ZACN: variants seen among roughly 807,000 people sequenced by gnomAD.
ZACN encodes zinc activated ion channel, also known as ligand-gated cation channel ZACN.
Under a neutral mutation model 38.9 loss-of-function variants are expected in ZACN, and 52 were observed. The ratio of observed to expected loss-of-function variants is 1.34; its 90% CI spans 1.07 to 1.68. ZACN has a LOEUF of 1.68. Ranked by LOEUF, ZACN falls within the 40% of genes most tolerant of loss-of-function variation. The pLI is 0.00. For synonymous variants in ZACN, 235 were observed against 227.4 expected (o/e 1.03, Z -0.30); for missense variants, 559 against 525.6 (o/e 1.06, Z -0.62).
At chr17:76,080,862 G>A (rs1415083722) in intron 5 of ZACN, 2 of 470,558 alleles carry the variant, frequency 4.3e-6, no homozygotes, top group Non-Finnish European at 8.5e-6. Context: ...ACCTGAAGGT[G>A]CAGCCACCCT....
In ZACN at chr17:76,080,336, C is replaced by T; in HGVS notation, c.456C>T (p.Ala152=). The T allele has an allele frequency of 6.2e-7, 1 of 1,613,894 alleles. No individual in the cohort carries two copies. The highest frequency in any genetic ancestry group is 8.5e-7 in the Non-Finnish European group (1 of 1,179,870). ...ACGTGAAGCTCAACCTGGCCCTCGC[C>T]ACGGAGACCAACTGCAACTTTGAGC... The part of the protein sequence containing the change: ...DGHVKLNLAL[A]TETNCNFELL... Residue 152 remains alanine (A), a synonymous_variant, in exon 5 of 9, where the codon GCC becomes GCT. Coordinates refer to ENST00000334586, the MANE Select transcript of ZACN (RefSeq NM_180990.4).
chr17:76,081,123 G>T (rs2066951298), intron 5 of ZACN, 155 bp from the exon 6 acceptor site: 1 of 1,017,746 alleles, frequency 9.8e-7, no homozygotes, highest in Non-Finnish European at 1.4e-6. Context: ...AACAAGGTTT[G>T]GGAAGCCCTT....
chr17:76,080,830 C>G, intron 5 of ZACN: 1 of 474,308 alleles, frequency 2.1e-6, no homozygotes, highest in South Asian at 1.5e-5. Flanking sequence ...CTCAGGTTGC[C>G]ATGGCCTCAC....
intron 8 of ZACN, 131 bp from the exon 9 acceptor site, chr17:76,082,332 G>A (rs1226968452): frequency 1.9e-6 from 2 of 1,046,474 alleles, no homozygotes; most frequent in Non-Finnish European, 2.7e-6. Flanking sequence ...AAATGGGCCA[G>A]ACCCAAATTT....
chr17:76,080,167 G>A lies in ZACN; in HGVS notation c.375-88G>A, dbSNP rs1432300799. 8 of 1,501,222 alleles carry A rather than the reference G, an allele frequency of 5.3e-6. No homozygotes were observed. The Admixed American group carries it at 1.3e-4, about 24-fold the overall frequency. The allele number at this position is 1,501,222 out of a possible 1,614,324, so 93.0% of individuals were successfully genotyped here. A position where few individuals can be genotyped will look rare whatever the true frequency, so the allele number is the denominator to read the frequency against. On this transcript the variant is annotated intron_variant, in intron 4 of 8. Coordinates refer to ENST00000334586, the MANE Select transcript of ZACN (RefSeq NM_180990.4). ...TCCCACTGCCAGAACTCTGAAAGCA[G>A]CTGGGGTTGGGGTTGGGATGCCAGG...
chr17:76,081,491 C>G, intron 6 of ZACN, 54 bp from the exon 7 acceptor site: 1 of 1,610,000 alleles, frequency 6.2e-7, no homozygotes, highest in Non-Finnish European at 8.5e-7. Flanking sequence ...CCCATGCCCC[C>G]GATGCCCACC....
chr17:76,082,727 C>T lies in ZACN; in HGVS notation c.*74C>T. On this transcript the variant is annotated 3_prime_UTR_variant, in exon 9 of 9. Transcript: ENST00000334586. ...TGGCTGGGGGCGGGCCATGACAGGG[C>T]CTCTGGATTAAGCCACCCTGAGCTC... 6.9e-7 allele frequency: 1 copy of T among 1,448,744 alleles called. No homozygotes were observed. The highest frequency in any genetic ancestry group is 2.5e-4 in the Middle Eastern group (1 of 3,994). The allele number at this position is 1,448,744 out of a possible 1,614,324, so 89.7% of individuals were successfully genotyped here. A position where few individuals can be genotyped will look rare whatever the true frequency, so the allele number is the denominator to read the frequency against.
At position 76,081,403 on chromosome 17, in the gene ZACN, G is replaced by C; in HGVS notation, c.669+1G>C. 9 of 1,614,080 alleles carry C rather than the reference G, an allele frequency of 5.6e-6. No individual in the cohort carries two copies. The highest frequency in any genetic ancestry group is 6.8e-6 in the Non-Finnish European group (8 of 1,180,036). ...GCTGGTGCCCTGCTTCCAGGTGACG[G>C]TGAGTCAAGTCGGGAGGAGGCCGAC... On this transcript the variant is annotated splice_donor_variant, in intron 6 of 8. Transcript: ENST00000334586. LOFTEE classifies it high-confidence loss of function.
chr17:76,080,516 G>C (rs778566420), intron 5 of ZACN, 92 bp downstream of exon 5: 2 of 1,532,398 alleles, frequency 1.3e-6, no homozygotes, highest in South Asian at 1.2e-5. Flanking sequence ...GGCAGGGTGC[G>C]GGGCAAGGGG....
intron 5 of ZACN, 102 bp downstream of exon 5, chr17:76,080,526 G>T: frequency 6.7e-7 from 1 of 1,498,410 alleles, no homozygotes; most frequent in East Asian, 2.4e-5. Flanking sequence ...GGGGCAAGGG[G>T]AAGGGGCAAA....
intron 5 of ZACN, 167 bp downstream of exon 5, chr17:76,080,591 T>C: frequency 1.0e-6 from 1 of 999,392 alleles, no homozygotes; most frequent in Non-Finnish European, 1.5e-6. Context: ...ACCCCAGGCT[T>C]AGGCGGGCAG....
intron 8 of ZACN, 114 bp from the exon 9 acceptor site, chr17:76,082,349 G>A (rs1328844743): frequency 1.7e-6 from 2 of 1,183,282 alleles, no homozygotes; most frequent in African/African-American, 1.5e-5. Context: ...ATTTTCATCA[G>A]CTGAGAATCT....
Position 76,081,695 on chromosome 17 carries a change from G to A in ZACN, c.820G>A (p.Val274Ile), listed in dbSNP as rs375080677. Residue 274 changes from valine (V) to isoleucine (I), a missense_variant, in exon 7 of 9, where the codon GTC (valine) becomes ATC (isoleucine). By Grantham distance (29) the Val-to-Ile change is conservative. Transcript: ENST00000334586. ...YKVTLLLSYL[V>I]LHSSLVQALP... ...GGTGACATTGCTGCTGAGTTACCTC[G>A]TCCTCCACTCCTCCCTGGTGCAGGC... 52 of 1,614,070 alleles carry A rather than the reference G, an allele frequency of 3.2e-5. No individual in the cohort carries two copies. Among genetic ancestry groups the A allele is most frequent in the African/African-American group, 2.5e-4 (19 of 75,024 alleles).
At chr17:76,080,529 G>A (rs954631029) in intron 5 of ZACN, 105 bp downstream of exon 5, 13 of 1,482,262 alleles carry the variant, frequency 8.8e-6, no homozygotes, top group African/African-American at 2.8e-5. Context: ...GCAAGGGGAA[G>A]GGGCAAAGGC....
intron 5 of ZACN, chr17:76,081,000 A>G: frequency 2.4e-6 from 1 of 418,116 alleles, no homozygotes; most frequent in Non-Finnish European, 4.5e-6. Flanking sequence ...GCCTGTGACC[A>G]CTTCTCCCTC....
intron 2 of ZACN, 67 bp downstream of exon 2, chr17:76,079,630 A>G (rs2066919146): frequency 1.2e-6 from 2 of 1,611,686 alleles, no homozygotes; most frequent in Non-Finnish European, 1.7e-6. Flanking sequence ...AGCCCTGGAT[A>G]GTGCTGGGGT....
rs1445359181 is a variant in ZACN, at chr17:76,080,499, G to A, written c.544+75G>A. ...GGGGAGGGGAACTCCCAGGTCTGTGGTGCAGGGGCAGGGTGCGGGGCAAGG... is the reference window on the plus strand; with the variant it reads ...GGGGAGGGGAACTCCCAGGTCTGTGATGCAGGGGCAGGGTGCGGGGCAAGG... On this transcript the variant is annotated intron_variant, in intron 5 of 8. Coordinates refer to ENST00000334586, the MANE Select transcript of ZACN (RefSeq NM_180990.4). The A allele has an allele frequency of 6.3e-6, 10 of 1,583,180 alleles. No homozygotes were observed. The Admixed American group carries it at 1.7e-4, about 27-fold the overall frequency.
In ZACN at chr17:76,081,566, C is replaced by G; in HGVS notation, c.691C>G (p.Leu231Val). 1 of 1,613,780 alleles carries G rather than the reference C, an allele frequency of 6.2e-7. No homozygotes were observed. The highest frequency in any genetic ancestry group is 1.1e-5 in the South Asian group (1 of 91,092). ...CCAGCTGAGGCTGAAGAACACGGCG[C>G]TCAAGTCCATCATCGCTCTCTTGGT... ...QVTLRLKNTA[L>V]KSIIALLVPA... is the part of the protein sequence containing the mutation. Residue 231 changes from leucine (L) to valine (V), a missense_variant, in exon 7 of 9, where the codon CTC becomes GTC. By Grantham distance (32) the Leu-to-Val change is conservative (BLOSUM62 1). Coordinates refer to ENST00000334586, the MANE Select transcript of ZACN (RefSeq NM_180990.4).
chr17:76,079,313 AT>A lies in ZACN; in HGVS notation c.51del (p.Thr18ProfsTer122). 6.2e-7 allele frequency: 1 copy of A among 1,614,060 alleles called. No individual in the cohort carries two copies. Among genetic ancestry groups the A allele is most frequent in the Non-Finnish European group, 8.5e-7 (1 of 1,179,980 alleles). On this transcript the variant is annotated frameshift_variant, in exon 1 of 9. Coordinates refer to ENST00000334586, the MANE Select transcript of ZACN (RefSeq NM_180990.4). LOFTEE classifies it high-confidence loss of function. ...CCATCTCACCTTCCTGGGGTTCAGC[AT>A]TACCTTGCTGTTGGTCCACGGGCAG... ...LLHLTFLGFS[I>X]TLLLVHGQGF...
Sources: allele counts gnomAD v4.1 joint callset, GRCh38; gene constraint gnomAD v4.1.1; transcripts MANE v1.5; gene names NCBI Gene and HGNC (gene_info 2026-07-23, HGNC 2026-07-21).